Variants in FBXL17 observed in about 807,000 individuals in gnomAD.
FBXL17 encodes F-box and leucine rich repeat protein 17.
In FBXL17, 22 loss-of-function variants were observed where a neutral mutation model predicts 66.2. The observed-to-expected ratio is 0.33, with a 90% CI of 0.24 to 0.47. The LOEUF is 0.47. Ranked by LOEUF, FBXL17 falls within the 20% of genes least tolerant of loss-of-function variation. The pLI, the probability that FBXL17 is intolerant of heterozygous loss-of-function variation, is 1.00. For missense variants in FBXL17, 878 were observed against 948.2 expected, an observed-to-expected ratio of 0.93 and a Z score of 0.97; for synonymous variants, 474 against 400.5, an observed-to-expected ratio of 1.18 and a Z score of -2.19.
intron 7 of FBXL17, among the ~76,000 whole-genome samples, chr5:107,915,564 T>A (rs137938969): frequency 6.6e-6 from 1 of 152,316 alleles, no homozygotes; most frequent in East Asian, 1.9e-4. Flanking sequence ...AATGAGATGT[T>A]TTCCCCTTAG....
At chr5:108,346,354 G>C (rs1474066906) in intron 4 of FBXL17, among the ~76,000 whole-genome samples, 1 of 151,790 alleles carries the variant, frequency 6.6e-6, no homozygotes, top group Non-Finnish European at 1.5e-5. Flanking sequence ...CAAAACTGAT[G>C]CCCTTAGCAT....
chr5:107,884,263 G>A (rs938572083), intron 7 of FBXL17, among the ~76,000 whole-genome samples: 3 of 152,198 alleles, frequency 2.0e-5, no homozygotes, highest in African/African-American at 7.2e-5. Flanking sequence ...GGGGGCTTCA[G>A]GGAGGGTCTC....
Position 108,381,050 on chromosome 5 carries a change from G to C in FBXL17, c.642C>G (p.Arg214=), listed in dbSNP as rs1484292170. 5.8e-6 allele frequency: 7 copies of C among 1,211,802 alleles called. No homozygotes were observed. Among genetic ancestry groups the C allele is most frequent in the Non-Finnish European group, 7.2e-6 (7 of 975,922 alleles). The allele number at this position is 1,211,802 out of a possible 1,614,324, so 75.1% of individuals were successfully genotyped here. A position where few individuals can be genotyped will look rare whatever the true frequency, so the allele number is the denominator to read the frequency against. The change falls in exon 1 of 9, where the codon CGC becomes CGG. Residue 214 remains arginine, a synonymous_variant. Coordinates refer to ENST00000542267, the MANE Select transcript of FBXL17 (RefSeq NM_001163315.3). ...CGCCGCCGCAGCCCCCGCCGCCGCA[G>C]CGGGGCTGCTTGCAGGGGGTGCAGG... is the stretch of plus-strand genomic sequence containing the variant. ...VPACTPCKQP[R]CGGGGCGGGG...
chr5:108,065,517 T>C (rs1748084556), intron 6 of FBXL17, among the ~76,000 whole-genome samples: 1 of 152,190 alleles, frequency 6.6e-6, no homozygotes, highest in South Asian at 2.1e-4. Context: ...GACTATGGAA[T>C]GATTTACCAT....
At chr5:108,262,395 C>T (rs375493154) in intron 4 of FBXL17, among the ~76,000 whole-genome samples, 2 of 152,006 alleles carry the variant, frequency 1.3e-5, no homozygotes, top group South Asian at 4.1e-4. Context: ...TGGAAATCTA[C>T]ATAAAATGGA....
chr5:108,084,828 AG>A (rs1343734382), intron 6 of FBXL17, among the ~76,000 whole-genome samples: 1 of 152,236 alleles, frequency 6.6e-6, no homozygotes, highest in Non-Finnish European at 1.5e-5. Context: ...AAATTTTTAT[AG>A]GGTCTACTTC....
chr5:108,235,017 T>A (rs1419422115), intron 4 of FBXL17, among the ~76,000 whole-genome samples: 5 of 152,220 alleles, frequency 3.3e-5, no homozygotes, highest in Non-Finnish European at 1.5e-5. Flanking sequence ...AGAATAAGAT[T>A]GATTCAATGA....
intron 4 of FBXL17, among the ~76,000 whole-genome samples, chr5:108,295,337 A>G (rs1758301909): frequency 6.6e-6 from 1 of 151,862 alleles, no homozygotes; most frequent in African/African-American, 2.4e-5. Flanking sequence ...AACATTGAGC[A>G]TTTAATTCTC....
chr5:108,194,353 C>G (rs755604754), intron 5 of FBXL17, among the ~76,000 whole-genome samples: 3 of 152,082 alleles, frequency 2.0e-5, no homozygotes, highest in Non-Finnish European at 2.9e-5. Context: ...TCCACAAAGT[C>G]TTTTTGATTA....
chr5:108,236,130 G>C (rs889388384), intron 4 of FBXL17, among the ~76,000 whole-genome samples: 4 of 152,160 alleles, frequency 2.6e-5, no homozygotes, highest in African/African-American at 9.7e-5. Flanking sequence ...AGAATCACTT[G>C]AGCCCAGAGG....
intron 8 of FBXL17, among the ~76,000 whole-genome samples, chr5:107,873,601 C>T (rs1748523458): frequency 6.6e-6 from 1 of 152,118 alleles, no homozygotes; most frequent in African/African-American, 2.4e-5. Context: ...CTGCAGTAGT[C>T]CCTCAGTCAC....
rs549840338 is a variant in FBXL17 at position 107,859,390 on chromosome 5, G to GTTTTTTTTTTTTTTTTTTTTTTTTT, written c.*2305_*2329dup. The GTTTTTTTTTTTTTTTTTTTTTTTTT allele has an allele frequency of 8.3e-5, 5 of 60,178 alleles. No homozygotes were observed. Among genetic ancestry groups the GTTTTTTTTTTTTTTTTTTTTTTTTT allele is most frequent in the African/African-American group, 2.1e-4 (3 of 14,476 alleles). The allele number at this position is 60,178 out of a possible 1,614,324, so 3.7% of individuals were successfully genotyped here. A position where few individuals can be genotyped will look rare whatever the true frequency, so the allele number is the denominator to read the frequency against. On this transcript the variant is annotated 3_prime_UTR_variant, in exon 9 of 9. Coordinates refer to ENST00000542267, the MANE Select transcript of FBXL17 (RefSeq NM_001163315.3). ...CTCAAGGTGATGCTTTTTTCTGGCT[G>GTTTTTTTTTTTTTTTTTTTTTTTTT]TTTTTTTTTTTTTTTTTTTTTTTTT...
intron 6 of FBXL17, among the ~76,000 whole-genome samples, chr5:108,110,491 G>T (rs1749987646): frequency 6.6e-6 from 1 of 152,148 alleles, no homozygotes; most frequent in South Asian, 2.1e-4. Flanking sequence ...GTGGGAATCA[G>T]ATTTTAATTA....
intron 6 of FBXL17, among the ~76,000 whole-genome samples, chr5:108,073,417 C>T (rs1748416732): frequency 6.6e-6 from 1 of 151,926 alleles, no homozygotes; most frequent in Non-Finnish European, 1.5e-5. Flanking sequence ...AAATGTTACT[C>T]ATGAATTTAA....
chr5:107,943,762 A>T (rs929308062), intron 7 of FBXL17, among the ~76,000 whole-genome samples: 5 of 152,168 alleles, frequency 3.3e-5, no homozygotes, highest in Non-Finnish European at 7.3e-5. Flanking sequence ...AAGAGACTGT[A>T]CAGTCCATAA....
chr5:108,341,449 T>C (rs988783399), intron 4 of FBXL17, among the ~76,000 whole-genome samples: 2 of 152,190 alleles, frequency 1.3e-5, no homozygotes, highest in East Asian at 1.9e-4. Context: ...ATTTGCTTTA[T>C]TAATTCAAGC....
chr5:107,996,402 C>T (rs944593702), intron 7 of FBXL17, among the ~76,000 whole-genome samples: 2 of 152,170 alleles, frequency 1.3e-5, no homozygotes, highest in African/African-American at 4.8e-5. Flanking sequence ...GCAGCCTCTG[C>T]CTCCTGGGTT....
At chr5:108,343,055 G>T (rs1197867414) in intron 4 of FBXL17, among the ~76,000 whole-genome samples, 3 of 152,142 alleles carry the variant, frequency 2.0e-5, no homozygotes, top group Non-Finnish European at 2.9e-5. Flanking sequence ...TTTCTACCAT[G>T]TGAGGATACA....
chr5:108,210,793 T>C (rs1212534018), intron 5 of FBXL17, among the ~76,000 whole-genome samples: 1 of 152,272 alleles, frequency 6.6e-6, no homozygotes, highest in Middle Eastern at 3.4e-3. Flanking sequence ...TTCTGTTGAT[T>C]TGGGGTGGAG....
Sources: allele counts gnomAD v4.1 joint callset (sites outside exome capture counted in the v4.1 genomes callset), GRCh38; gene constraint gnomAD v4.1.1; transcripts MANE v1.5; gene names NCBI Gene and HGNC (gene_info 2026-07-23, HGNC 2026-07-21).